The following NLE1 variants were observed in gnomAD, a reference collection of about 807,000 sequenced individuals.
NLE1 encodes the protein notchless protein homolog 1.
In NLE1, 37 loss-of-function variants were observed where a neutral mutation model predicts 62.8. That is an observed-to-expected ratio of 0.59 (90% CI 0.45 to 0.78). NLE1 has a LOEUF of 0.78. Ranked by LOEUF, NLE1 falls within the 30% of genes least tolerant of loss-of-function variation. The probability of loss-of-function intolerance (pLI) is 0.00; values close to 1 mark genes in which losing one functional copy is unlikely to be tolerated. For synonymous variants in NLE1, 243 were observed against 253.0 expected (o/e 0.96, Z 0.37); for missense variants, 555 against 637.9 (o/e 0.87, Z 1.40).
At position 35,128,979 on chromosome 17, in the gene NLE1, C is replaced by T. The variant is rs565676875; in HGVS notation, c.*3458G>A. The T allele has an allele frequency of 3.4e-5, 6 of 174,542 alleles. No homozygotes were observed. Among genetic ancestry groups the T allele is most frequent in the East Asian group, 1.4e-4 (1 of 6,926 alleles). 10.8% of individuals were successfully genotyped at this position (174,542 alleles called of 1,614,324 possible). On this transcript the variant is annotated 3_prime_UTR_variant, in exon 13 of 13. Transcript: ENST00000442241. ...CCCATACAATTCACAATAGGGTTCA[C>T]GTGCCTATGGGAATCTAATGCCTCT...
intron 7 of NLE1, 48 bp from the exon 8 acceptor site, chr17:35,136,545 T>C: frequency 6.3e-7 from 1 of 1,580,878 alleles, no homozygotes; most frequent in Non-Finnish European, 8.6e-7. Flanking sequence ...TCCCCACGCC[T>C]GGGCGATTAG....
Position 35,130,828 on chromosome 17 carries a change from G to A in NLE1, c.*1609C>T. 5.7e-6 allele frequency: 1 copy of A among 174,692 alleles called. No homozygotes were observed. The highest frequency in any genetic ancestry group is 1.5e-4 in the South Asian group (1 of 6,514). The allele number at this position is 174,692 out of a possible 1,614,324, so 10.8% of individuals were successfully genotyped here. ...AGGACAGAGTCTACATGGGTGGGGA[G>A]ATAGAAAACAGGCAGCTAGGCAATA... On this transcript the variant is annotated 3_prime_UTR_variant, in exon 13 of 13. Transcript: ENST00000442241.
intron 6 of NLE1, 78 bp from the exon 7 acceptor site, chr17:35,137,271 T>G: frequency 7.5e-7 from 1 of 1,332,220 alleles, no homozygotes; most frequent in Non-Finnish European, 1.0e-6. Flanking sequence ...ATTCCCAACT[T>G]AAAGGCCATG....
Position 35,130,197 on chromosome 17 carries a change from GA to G in NLE1, c.*2239del, listed in dbSNP as rs200623536. The G allele has an allele frequency of 1.4e-5, 21 of 1,533,434 alleles. No homozygotes were observed. Among genetic ancestry groups the G allele is most frequent in the Admixed American group, 8.4e-5 (4 of 47,708 alleles). The allele number at this position is 1,533,434 out of a possible 1,614,324, so 95.0% of individuals were successfully genotyped here. A position where few individuals can be genotyped will look rare whatever the true frequency, so the allele number is the denominator to read the frequency against. On this transcript the variant is annotated 3_prime_UTR_variant, in exon 13 of 13. Coordinates refer to ENST00000442241, the MANE Select transcript of NLE1 (RefSeq NM_018096.5). ...TGTTTAAGGTCTGAGTCAGCAGACA[GA>G]AAAAAAAGGGGTGATAGAGACAGAG...
At position 35,142,069 on chromosome 17, in the gene NLE1, C is replaced by T. The variant is rs1318654362; in HGVS notation, c.72G>A (p.Glu24=). The change falls in exon 2 of 13, where the codon GAG becomes GAA. Residue 24 remains glutamate, a synonymous_variant. Coordinates refer to ENST00000442241, the MANE Select transcript of NLE1 (RefSeq NM_018096.5). ...ACGGGGAACCCAGCAGCTGCCCGCC[C>T]TCATCCTGGAACTGCACTAGCAACC... ...VQRLLVQFQD[E]GGQLLGSPFD... is the part of the protein sequence containing the mutation. 1 of 1,612,794 alleles carries T rather than the reference C, an allele frequency of 6.2e-7. No individual in the cohort carries two copies. The highest frequency in any genetic ancestry group is 8.5e-7 in the Non-Finnish European group (1 of 1,179,924).
chr17:35,135,232 T>C lies in NLE1; in HGVS notation c.1214+17A>G. Reference sequence around the variant, plus strand: ...CCATTCACTCCTTACAGAGAAGCAGTACCCACCCCTACTCACTTGCCCGTC... The same window carrying C: ...CCATTCACTCCTTACAGAGAAGCAGCACCCACCCCTACTCACTTGCCCGTC... On this transcript the variant is annotated intron_variant, in intron 10 of 12. Transcript: ENST00000442241. The C allele has an allele frequency of 6.2e-7, 1 of 1,613,068 alleles. No homozygotes were observed. Among genetic ancestry groups the C allele is most frequent in the Non-Finnish European group, 8.5e-7 (1 of 1,179,086 alleles).
chr17:35,137,298 CT>C (rs1385704997), intron 6 of NLE1, 105 bp from the exon 7 acceptor site: 2 of 1,131,032 alleles, frequency 1.8e-6, no homozygotes, highest in East Asian at 5.2e-5. Flanking sequence ...CTTTTGACAG[CT>C]TTTCTGACAC....
chr17:35,130,176 T>C lies in NLE1; in HGVS notation c.*2261A>G, dbSNP rs1045428579. The C allele has an allele frequency of 2.7e-6, 4 of 1,499,174 alleles. No homozygotes were observed. Among genetic ancestry groups the C allele is most frequent in the Admixed American group, 2.3e-5 (1 of 43,416 alleles). The allele number at this position is 1,499,174 out of a possible 1,614,324, so 92.9% of individuals were successfully genotyped here. ...AATGGCTAGGTTGGATAAGGCTGTT[T>C]AAGGTCTGAGTCAGCAGACAGAAAA... On this transcript the variant is annotated 3_prime_UTR_variant, in exon 13 of 13. Transcript: ENST00000442241.
Position 35,137,152 on chromosome 17 carries a change from C to T in NLE1, c.677G>A (p.Gly226Asp). 3 of 1,612,700 alleles carry T rather than the reference C, an allele frequency of 1.9e-6. No individual in the cohort carries two copies. In the South Asian group the frequency reaches 3.3e-5, roughly 18 times the overall value. ...CRYVASSSKDGSVRIWDTTAG... is the reference protein window; with the variant it reads ...CRYVASSSKDDSVRIWDTTAG... ...AGTTGTGTCCCAGATCCGCACACTG[C>T]CATCCTTGGAGCTGCTGGCCACATA... Residue 226 changes from glycine to aspartate, a missense_variant, in exon 7 of 13, where the codon GGC becomes GAC. Gly to Asp is a moderately conservative substitution (Grantham distance 94). Transcript: ENST00000442241.
intron 2 of NLE1, among the ~76,000 whole-genome samples, chr17:35,141,462 C>T (rs2091943200): frequency 6.7e-6 from 1 of 148,220 alleles, no homozygotes; most frequent in Non-Finnish European, 1.5e-5. Flanking sequence ...AGGAGAATCG[C>T]TTGAACCTGG....
At position 35,129,682 on chromosome 17, in the gene NLE1, CT is replaced by C; in HGVS notation, c.*2754del. ...AAGTGAGCCCTGGGAAAAGAGGGGC[CT>C]TGGGGGTGGAGAGAAGTCCAAAGCC... On this transcript the variant is annotated 3_prime_UTR_variant, in exon 13 of 13. Transcript: ENST00000442241. 6.2e-7 allele frequency: 1 copy of C among 1,608,422 alleles called. No individual in the cohort carries two copies. Among genetic ancestry groups the C allele is most frequent in the Non-Finnish European group, 8.5e-7 (1 of 1,177,826 alleles).
chr17:35,141,883 G>C, intron 2 of NLE1, 96 bp downstream of exon 2: 3 of 1,375,520 alleles, frequency 2.2e-6, no homozygotes, highest in Non-Finnish European at 3.0e-6. Flanking sequence ...CAGTCCGTTA[G>C]CGGGGGACCA....
At position 35,129,679 on chromosome 17, in the gene NLE1, G is replaced by A; in HGVS notation, c.*2758C>T. ...ACAAAGTGAGCCCTGGGAAAAGAGG[G>A]GCCTTGGGGGTGGAGAGAAGTCCAA... On this transcript the variant is annotated 3_prime_UTR_variant, in exon 13 of 13. Transcript: ENST00000442241. The A allele has an allele frequency of 6.2e-7, 1 of 1,609,312 alleles. No homozygotes were observed. Among genetic ancestry groups the A allele is most frequent in the Non-Finnish European group, 8.5e-7 (1 of 1,178,140 alleles).
chr17:35,137,714 T>TTA, intron 5 of NLE1, 74 bp from the exon 6 acceptor site: 4 of 1,212,388 alleles, frequency 3.3e-6, no homozygotes, highest in Non-Finnish European at 4.8e-6. Context: ...GCCTACCACT[T>TTA]CCCACCCAAC....
In NLE1 at chr17:35,142,129, G is replaced by T; in HGVS notation, c.19-7C>A. The T allele has an allele frequency of 6.2e-6, 10 of 1,610,388 alleles. No individual in the cohort carries two copies. Among genetic ancestry groups the T allele is most frequent in the Non-Finnish European group, 8.5e-6 (10 of 1,178,950 alleles). Reference sequence around the variant, plus strand: ...CGCGCGCCACCGCCTCGTCCTGCGCGAGCAAGTGGGGCGGGAGTCAGTCTG... The same window carrying T: ...CGCGCGCCACCGCCTCGTCCTGCGCTAGCAAGTGGGGCGGGAGTCAGTCTG... On this transcript the variant is annotated splice_polypyrimidine_tract_variant and splice_region_variant and intron_variant, in intron 1 of 12. Coordinates refer to ENST00000442241, the MANE Select transcript of NLE1 (RefSeq NM_018096.5).
intron 12 of NLE1, among the ~76,000 whole-genome samples, chr17:35,132,715 CAG>C (rs2091884219): frequency 6.6e-6 from 1 of 152,156 alleles, no homozygotes; most frequent in African/African-American, 2.4e-5. Context: ...CTTTGTCTTC[CAG>C]AGTGTTGACC....
chr17:35,129,401 C>T lies in NLE1; in HGVS notation c.*3036G>A, dbSNP rs919264283. ...GGACAGGACATATCTGAGGAAGCCT[C>T]GGGGCTCTCTCTTCCCCTAGATTTC... On this transcript the variant is annotated 3_prime_UTR_variant, in exon 13 of 13. Transcript: ENST00000442241. 28 of 1,609,894 alleles carry T rather than the reference C, an allele frequency of 1.7e-5. No homozygotes were observed. Among genetic ancestry groups the T allele is most frequent in the East Asian group, 4.5e-5 (2 of 44,808 alleles).
chr17:35,137,067 C>A lies in NLE1; in HGVS notation c.762G>T (p.Trp254Cys). 1 of 1,614,086 alleles carries A rather than the reference C, an allele frequency of 6.2e-7. No individual in the cohort carries two copies. Among genetic ancestry groups the A allele is most frequent in the Non-Finnish European group, 8.5e-7 (1 of 1,180,002 alleles). Residue 254 changes from tryptophan to cysteine, a missense_variant, in exon 7 of 13, where the codon TGG (tryptophan) becomes TGT (cysteine). Coordinates refer to ENST00000442241, the MANE Select transcript of NLE1 (RefSeq NM_018096.5). ...GHTQSVTCLRWGGDGLLYSAS... is the reference protein window; with the variant it reads ...GHTQSVTCLRCGGDGLLYSAS... ...CAGAGTAGAGAAGCCCGTCCCCTCCCCACCGGAGACAGGTGACCGACTGGG... is the reference window on the plus strand; with the variant it reads ...CAGAGTAGAGAAGCCCGTCCCCTCCACACCGGAGACAGGTGACCGACTGGG...
At chr17:35,135,109 G>T (rs761093584) in intron 10 of NLE1, 140 bp downstream of exon 10, 2 of 767,644 alleles carry the variant, frequency 2.6e-6, no homozygotes, top group Non-Finnish European at 4.6e-6. Context: ...TGAGAGGTAG[G>T]GGGTCTGCAT....
Sources: allele counts gnomAD v4.1 joint callset (sites outside exome capture counted in the v4.1 genomes callset), GRCh38; gene constraint gnomAD v4.1.1; transcripts MANE v1.5; gene names NCBI Gene and HGNC (gene_info 2026-07-23, HGNC 2026-07-21).